L3MBTL4: variants seen among roughly 807,000 people sequenced by gnomAD.
L3MBTL4 encodes the protein L3MBTL histone methyl-lysine binding protein 4, also known as lethal(3)malignant brain tumor-like protein 4.
L3MBTL4 carries 70 observed loss-of-function variants against 84.5 expected under a neutral mutation model. That is an observed-to-expected ratio of 0.83 (90% CI 0.68 to 1.01). The LOEUF (loss-of-function observed/expected upper bound fraction) is 1.01, where lower values mean the gene tolerates loss of function less well. Ranked by LOEUF, L3MBTL4 falls within the 50% of genes least tolerant of loss-of-function variation. L3MBTL4 has a pLI of 0.00. For missense variants in L3MBTL4, 715 were observed against 754.8 expected (o/e 0.95, Z 0.62); for synonymous variants, 274 against 259.8 (o/e 1.05, Z -0.52).
At chr18:6,072,822 C>T (rs1481351857) in intron 16 of L3MBTL4, among the ~76,000 whole-genome samples, 1 of 132,060 alleles carries the variant, frequency 7.6e-6, no homozygotes, top group African/African-American at 2.9e-5. Flanking sequence ...TGCCACTGCA[C>T]TCCAGCACTC....
intron 16 of L3MBTL4, among the ~76,000 whole-genome samples, chr18:6,038,856 G>T (rs1369940257): frequency 6.6e-6 from 1 of 152,016 alleles, no homozygotes; most frequent in Non-Finnish European, 1.5e-5. Flanking sequence ...AATTCATATG[G>T]TGAAATCTTA....
intron 5 of L3MBTL4, among the ~76,000 whole-genome samples, chr18:6,247,226 A>T (rs779854634): frequency 4.6e-5 from 7 of 151,594 alleles, no homozygotes; most frequent in Non-Finnish European, 8.9e-5. Flanking sequence ...TAAATTTAAC[A>T]TTTATACAAT....
intron 16 of L3MBTL4, among the ~76,000 whole-genome samples, chr18:6,039,625 A>G (rs1680940282): frequency 6.6e-6 from 1 of 152,224 alleles, no homozygotes; most frequent in African/African-American, 2.4e-5. Flanking sequence ...TTATGCACAC[A>G]CATACACGCA....
chr18:6,023,606 T>C (rs964568197), intron 16 of L3MBTL4, among the ~76,000 whole-genome samples: 1 of 152,148 alleles, frequency 6.6e-6, no homozygotes, highest in South Asian at 2.1e-4. Context: ...TTGTGGGAAA[T>C]ATGTAAAAAG....
intron 17 of L3MBTL4, among the ~76,000 whole-genome samples, chr18:5,968,385 T>G (rs1204861171): frequency 6.6e-6 from 1 of 152,172 alleles, no homozygotes; most frequent in Non-Finnish European, 1.5e-5. Flanking sequence ...GCAATGGGGC[T>G]TAACTGTTCC....
chr18:6,131,012 CCCAGGG>C (rs1157961267), intron 14 of L3MBTL4, among the ~76,000 whole-genome samples: 1 of 152,128 alleles, frequency 6.6e-6, no homozygotes, highest in African/African-American at 2.4e-5. Context: ...AAAAAGGACA[CCCAGGG>C]TCCACCTCAC....
intron 4 of L3MBTL4, among the ~76,000 whole-genome samples, chr18:6,297,430 A>G (rs888263166): frequency 2.6e-5 from 4 of 152,174 alleles, no homozygotes; most frequent in African/African-American, 7.2e-5. Context: ...AGTTCTGACA[A>G]ATGTTCCATG....
chr18:6,190,897 G>A (rs754711713), intron 12 of L3MBTL4, among the ~76,000 whole-genome samples: 11 of 152,178 alleles, frequency 7.2e-5, no homozygotes, highest in Non-Finnish European at 1.5e-4. Flanking sequence ...AACAGCCAGA[G>A]TAGAGATCCT....
chr18:6,054,949 G>T (rs1185933945), intron 16 of L3MBTL4, among the ~76,000 whole-genome samples: 3 of 152,160 alleles, frequency 2.0e-5, no homozygotes, highest in African/African-American at 7.2e-5. Context: ...TATTCCACAT[G>T]AATCCACTGG....
At chr18:6,336,404 G>C (rs7236088) in intron 1 of L3MBTL4, among the ~76,000 whole-genome samples, 31,099 of 152,036 alleles carry the variant, frequency 0.2, 4,170 homozygotes, top group African/African-American at 0.39. Flanking sequence ...AACACATGAA[G>C]AGTGTTACTC....
chr18:5,995,773 G>A (rs1258555986), intron 16 of L3MBTL4, among the ~76,000 whole-genome samples: 2 of 152,210 alleles, frequency 1.3e-5, no homozygotes, highest in Non-Finnish European at 2.9e-5. Context: ...GCAGGAAGGA[G>A]TGAGGCTGGG....
upstream of L3MBTL4, chr18:6,415,047 G>T (rs2056141770): frequency 6.6e-6 from 1 of 152,220 alleles, no homozygotes; most frequent in Admixed American, 6.5e-5. Context: ...CGCTGGGCCC[G>T]CCGAGGTCGG....
rs772735191 is a variant in L3MBTL4 at position 6,129,368 on chromosome 18, C to CTGTGTGTGTG, written c.1199+8816_1199+8825dup. On this transcript the variant is annotated intron_variant, in intron 14 of 18. Transcript: ENST00000317931. ...TCTTAACAATTTACTGGAATTCTCT[C>CTGTGTGTGTG]TGTGTGTGTGTGTGTGTGTGTGTGT... Among the ~76,000 whole-genome samples the CTGTGTGTGTG allele has an allele frequency of 7.3e-3, 1,008 of 138,282 alleles. 12 individuals are homozygous for CTGTGTGTGTG. The highest frequency in any genetic ancestry group is 0.021 in the African/African-American group (775 of 36,230). The allele number at this position is 138,282 out of a possible 152,430, so 90.7% of individuals were successfully genotyped here.
At chr18:6,029,528 G>T (rs73376092) in intron 16 of L3MBTL4, 1 of 984,194 alleles carries the variant, frequency 1.0e-6, no homozygotes, top group Non-Finnish European at 1.2e-6. Context: ...CTTAGGTGGA[G>T]GACATCAAGG....
chr18:6,218,379 C>T (rs543032925), intron 10 of L3MBTL4, among the ~76,000 whole-genome samples: 1 of 150,076 alleles, frequency 6.7e-6, no homozygotes, highest in Non-Finnish European at 1.5e-5. Context: ...GAACCATGCC[C>T]ACACCTGGCC....
At chr18:5,989,410 C>T (rs2053594056) in intron 16 of L3MBTL4, among the ~76,000 whole-genome samples, 1 of 149,890 alleles carries the variant, frequency 6.7e-6, no homozygotes, top group Admixed American at 6.6e-5. Context: ...ATTTTTTAAA[C>T]CATATAGATA....
At chr18:6,198,508 A>G (rs776055515) in intron 12 of L3MBTL4, among the ~76,000 whole-genome samples, 2 of 152,188 alleles carry the variant, frequency 1.3e-5, no homozygotes, top group Non-Finnish European at 2.9e-5. Flanking sequence ...ATATTTTTCA[A>G]GAATAACCAT....
At chr18:5,961,916 G>A (rs1320600219) in intron 17 of L3MBTL4, among the ~76,000 whole-genome samples, 3 of 152,212 alleles carry the variant, frequency 2.0e-5, no homozygotes, top group African/African-American at 7.2e-5. Flanking sequence ...TGGCAGTGCT[G>A]TTGGTGGCAG....
chr18:6,297,774 G>GT (rs2050167618), intron 4 of L3MBTL4, among the ~76,000 whole-genome samples: 1 of 152,124 alleles, frequency 6.6e-6, no homozygotes, highest in Non-Finnish European at 1.5e-5. Flanking sequence ...TACTCTACAG[G>GT]TAAGTGAATT....
Sources: gnomAD v4.1 joint callset for allele counts (sites outside exome capture counted in the v4.1 genomes callset) on GRCh38, gnomAD v4.1.1 for gene constraint, MANE v1.5 for transcripts, NCBI Gene and HGNC (gene_info 2026-07-23, HGNC 2026-07-21) for gene names.